Variants in ZNF385A observed in about 807,000 individuals in gnomAD.
ZNF385A encodes the protein zinc finger protein 385A.
Under a neutral mutation model 32.1 loss-of-function variants are expected in ZNF385A, and 14 were observed. That is an observed-to-expected ratio of 0.44 (90% CI 0.29 to 0.68). The LOEUF is 0.68. Ranked by LOEUF, ZNF385A falls within the 30% of genes least tolerant of loss-of-function variation. The pLI, the probability that ZNF385A is intolerant of heterozygous loss-of-function variation, is 0.14. For synonymous variants in ZNF385A, 197 were observed against 202.7 expected (o/e 0.97, Z 0.24); for missense variants, 406 against 478.4 (o/e 0.85, Z 1.41).
At chr12:54,381,224 GAAAAAAAGA>G (rs1955157982) in intron 1 of ZNF385A, 3 of 139,802 alleles carry the variant, frequency 2.1e-5, no homozygotes, top group African/African-American at 8.0e-5. Flanking sequence ...AAGAAAAAAA[GAAAAAAAGA>G]AAAAAAAAAA....
chr12:54,384,747 G>C, upstream of ZNF385A: 2 of 1,298,456 alleles, frequency 1.5e-6, no homozygotes, highest in South Asian at 4.9e-5. Flanking sequence ...CTGTGGGCCT[G>C]GGGGAGGGTG....
upstream of ZNF385A, among the ~76,000 whole-genome samples, chr12:54,388,101 G>T (rs1002882992): frequency 6.6e-6 from 1 of 151,030 alleles, no homozygotes; most frequent in Non-Finnish European, 1.5e-5. Flanking sequence ...TGTCAGGCAA[G>T]GCAGGGAGGA....
rs1269589599 is a variant in ZNF385A, at chr12:54,382,041, CA to C, written c.87+2386del. Among the ~76,000 whole-genome samples, 6 of 150,708 alleles carry C rather than the reference CA, an allele frequency of 4.0e-5. No homozygotes were observed. The South Asian group carries it at 6.3e-4, about 16-fold the overall frequency. ...CAGTACCCAGCACATAGTAGGTGCT[CA>C]AAAAAAATTTTTTTTTTGTTAAATT... On this transcript the variant is annotated intron_variant, in intron 1 of 6. Transcript: ENST00000394313.
intron 1 of ZNF385A, among the ~76,000 whole-genome samples, chr12:54,389,813 G>A (rs926271150): frequency 6.6e-6 from 1 of 151,924 alleles, no homozygotes; most frequent in African/African-American, 2.4e-5. Context: ...TAGAAGGGTG[G>A]GTAATACCTT....
In ZNF385A at chr12:54,374,063, T is replaced by G; in HGVS notation, c.271A>C (p.Arg91=). The G allele has an allele frequency of 1.2e-6, 2 of 1,603,044 alleles. No individual in the cohort carries two copies. The highest frequency in any genetic ancestry group is 1.7e-6 in the Non-Finnish European group (2 of 1,172,614). Residue 91 remains arginine, a synonymous_variant, in exon 3 of 7, where the codon AGA becomes CGA. Transcript: ENST00000394313. ...RVKGIEAAKT[R]GREPGVREPG... ...TCTCGGACGCCAGGCTCCCTGCCTC[T>G]GGTCTTGGCAGCCTCAATGCCTTTG... is the stretch of plus-strand genomic sequence containing the variant.
chr12:54,371,557 C>T lies in ZNF385A; in HGVS notation c.520G>A (p.Glu174Lys). ...ASLPGGSKEEEEKAKRLLYCA... is the reference protein window; with the variant it reads ...ASLPGGSKEEKEKAKRLLYCA... Reference sequence around the variant, plus strand: ...TAGAGCAGCCGCTTGGCTTTCTCCTCCTCTTCCTTGCTACCCCCAGGCAAG... The same window carrying T: ...TAGAGCAGCCGCTTGGCTTTCTCCTTCTCTTCCTTGCTACCCCCAGGCAAG... The change falls in exon 4 of 7, where the codon GAG becomes AAG. Residue 174 changes from glutamate to lysine, a missense_variant. Coordinates refer to ENST00000394313, the MANE Select transcript of ZNF385A (RefSeq NM_015481.3). 1 of 1,613,816 alleles carries T rather than the reference C, an allele frequency of 6.2e-7. No homozygotes were observed. Among genetic ancestry groups the T allele is most frequent in the Non-Finnish European group, 8.5e-7 (1 of 1,179,882 alleles).
chr12:54,379,070 C>A (rs1336049522), intron 1 of ZNF385A: 1 of 983,014 alleles, frequency 1.0e-6, no homozygotes, highest in Non-Finnish European at 1.2e-6. Context: ...GCTTACCCTG[C>A]GAGACCCTGG....
In ZNF385A at chr12:54,370,392, G is replaced by A. The variant is rs759151090; in HGVS notation, c.965C>T (p.Ala322Val). 2.6e-6 allele frequency: 4 copies of A among 1,530,388 alleles called. 1 individual carries two copies. In the South Asian group the frequency reaches 4.9e-5, roughly 19 times the overall value. The allele number at this position is 1,530,388 out of a possible 1,614,324, so 94.8% of individuals were successfully genotyped here. Residue 322 changes from alanine (A) to valine (V), a missense_variant, in exon 7 of 7, where the codon GCA (alanine) becomes GTA (valine). Coordinates refer to ENST00000394313, the MANE Select transcript of ZNF385A (RefSeq NM_015481.3). This position sits in a 1 kb window ranked among gnomAD's most constrained non-coding sequence, Gnocchi z 5.5. ...LAVAAVMAAA[A>V]GSPLSLRPAP... ...CGGGCGCAGGGACAGCGGCGAGCCT[G>A]CTGCCGCTGCCATCACTGCAGCCAC...
In ZNF385A at chr12:54,374,085, T is replaced by A; in HGVS notation, c.249A>T (p.Lys83Asn). ...CTCTGGTCTTGGCAGCCTCAATGCC[T>A]TTGACTCGTCGGGCGTGGCGATTAC... ...YKGNRHARRV[K>N]GIEAAKTRGR... The change falls in exon 3 of 7, where the codon AAA becomes AAT. Residue 83 changes from lysine (K) to asparagine (N), a missense_variant. By Grantham distance (94) the Lys-to-Asn change is moderately conservative (BLOSUM62 0). Coordinates refer to ENST00000394313, the MANE Select transcript of ZNF385A (RefSeq NM_015481.3). 1 of 1,596,442 alleles carries A rather than the reference T, an allele frequency of 6.3e-7. No individual in the cohort carries two copies. The highest frequency in any genetic ancestry group is 8.6e-7 in the Non-Finnish European group (1 of 1,168,420).
At chr12:54,386,443 TAAAAGAG>T (rs1955487456), upstream of ZNF385A, among the ~76,000 whole-genome samples, 1 of 151,788 alleles carries the variant, frequency 6.6e-6, no homozygotes, top group African/African-American at 2.4e-5. Context: ...GCGAGAAAGA[TAAAAGAG>T]AAGAGAGAGG....
intron 2 of ZNF385A, 44 bp downstream of exon 2, chr12:54,375,795 TGCTGC>T: frequency 6.5e-7 from 1 of 1,545,070 alleles, no homozygotes; most frequent in Non-Finnish European, 8.9e-7. Context: ...CAAGTTCCCC[TGCTGC>T]CCCTGCCCCA....
chr12:54,390,151 G>T (rs947411357), intron 1 of ZNF385A, among the ~76,000 whole-genome samples: 8 of 152,094 alleles, frequency 5.3e-5, no homozygotes, highest in African/African-American at 1.9e-4. Flanking sequence ...TTGGGGGCAG[G>T]GAGACCACAG....
chr12:54,373,533 C>A (rs928618723), intron 3 of ZNF385A, among the ~76,000 whole-genome samples: 1 of 151,824 alleles, frequency 6.6e-6, no homozygotes, highest in South Asian at 2.1e-4. Context: ...CTACTACTAC[C>A]CAAGATCATC....
At position 54,373,583 on chromosome 12, in the gene ZNF385A, C is replaced by T. The variant is rs2464657; in HGVS notation, c.361+390G>A. Among the ~76,000 whole-genome samples the T allele has an allele frequency of 6.1e-3, 924 of 152,286 alleles. 8 individuals carry two copies. The highest frequency in any genetic ancestry group is 0.021 in the African/African-American group (866 of 41,554). ...GGTTTCTTGCACTCTCTGTCTTCCCCGAGGGGAGCCCCAGTAGGGCAGGAA... is the reference window on the plus strand; with the variant it reads ...GGTTTCTTGCACTCTCTGTCTTCCCTGAGGGGAGCCCCAGTAGGGCAGGAA... On this transcript the variant is annotated intron_variant, in intron 3 of 6. Coordinates refer to ENST00000394313, the MANE Select transcript of ZNF385A (RefSeq NM_015481.3).
chr12:54,372,359 C>G (rs1483982456), intron 3 of ZNF385A, among the ~76,000 whole-genome samples: 5 of 152,168 alleles, frequency 3.3e-5, no homozygotes, highest in Admixed American at 3.3e-4. Context: ...GTTTCCGGGT[C>G]ATGGCGAGGC....
chr12:54,374,741 GAGGGGAGGGT>G lies in ZNF385A; in HGVS notation c.199-616_199-607del, dbSNP rs201407468. Among the ~76,000 whole-genome samples, 307 of 152,302 alleles carry G rather than the reference GAGGGGAGGGT, an allele frequency of 2.0e-3. 1 individual carries two copies. In the East Asian group the frequency reaches 0.041, roughly 20 times the overall value. On this transcript the variant is annotated intron_variant, in intron 2 of 6. Coordinates refer to ENST00000394313, the MANE Select transcript of ZNF385A (RefSeq NM_015481.3). ...GTCAAAACAGAACCATTTGATGGGG[GAGGGGAGGGT>G]AGGGCAAAAAGTGGGAAGGGCTATC...
intron 1 of ZNF385A, 148 bp downstream of exon 1, chr12:54,384,280 C>T: frequency 9.9e-7 from 1 of 1,009,714 alleles, no homozygotes; most frequent in Non-Finnish European, 1.4e-6. Context: ...CCAGATGGCC[C>T]ACAATACTCA....
chr12:54,379,313 A>T (rs1479689989), intron 1 of ZNF385A: 2 of 470,334 alleles, frequency 4.3e-6, no homozygotes, highest in African/African-American at 4.2e-5. Context: ...CTGAAGAGGA[A>T]TGAAAGGGGG....
chr12:54,377,963 G>A (rs1319127533), intron 1 of ZNF385A, among the ~76,000 whole-genome samples: 1 of 152,198 alleles, frequency 6.6e-6, no homozygotes, highest in African/African-American at 2.4e-5. Flanking sequence ...AGTACCCCGA[G>A]GATGACTTGT....
Sources: gnomAD v4.1 joint callset for allele counts (sites outside exome capture counted in the v4.1 genomes callset) on GRCh38, gnomAD v4.1.1 for gene constraint, Gnocchi (gnomAD v3.1) non-coding constraint, MANE v1.5 for transcripts, NCBI Gene and HGNC (gene_info 2026-07-23, HGNC 2026-07-21) for gene names.